ARSK: variants seen among roughly 807,000 people sequenced by gnomAD.
ARSK encodes arylsulfatase family member K.
Under a neutral mutation model 53.2 loss-of-function variants are expected in ARSK, and 37 were observed. The ratio of observed to expected loss-of-function variants is 0.70; its 90% CI spans 0.54 to 0.92. ARSK has a LOEUF of 0.92. Ranked by LOEUF, ARSK falls within the 40% of genes least tolerant of loss-of-function variation. ARSK has a pLI of 0.00. For synonymous variants in ARSK, 208 were observed against 223.2 expected, an observed-to-expected ratio of 0.93 and a Z score of 0.61; for missense variants, 613 against 643.0, an observed-to-expected ratio of 0.95 and a Z score of 0.51.
At chr5:95,587,852 G>T (rs749906025) in intron 5 of ARSK, among the ~76,000 whole-genome samples, 22 of 150,966 alleles carry the variant, frequency 1.5e-4, no homozygotes, top group Non-Finnish European at 8.8e-5. Flanking sequence ...GTTGCAGTGA[G>T]TGGAGATCGT....
At chr5:95,582,816 C>A in intron 3 of ARSK, 100 bp from the exon 4 acceptor site, 1 of 1,168,888 alleles carries the variant, frequency 8.6e-7, no homozygotes, top group Non-Finnish European at 1.2e-6. Flanking sequence ...AAGACTGAGT[C>A]TAAAAATTGT....
intron 4 of ARSK, 140 bp downstream of exon 4, chr5:95,583,338 T>C: frequency 1.4e-6 from 1 of 717,440 alleles, no homozygotes; most frequent in South Asian, 3.4e-5. Flanking sequence ...ACTAGTATGA[T>C]AAAAACTAAA....
chr5:95,596,943 C>T (rs1164635926), intron 6 of ARSK, among the ~76,000 whole-genome samples: 21 of 152,024 alleles, frequency 1.4e-4, no homozygotes, highest in African/African-American at 5.1e-4. Context: ...CTAATTCTAT[C>T]ACTAGTGTGA....
chr5:95,560,546 T>A (rs1378884836), intron 1 of ARSK, among the ~76,000 whole-genome samples: 1 of 152,060 alleles, frequency 6.6e-6, no homozygotes, highest in African/African-American at 2.4e-5. Context: ...ACTCTCATAT[T>A]TATAGTAAAT....
At chr5:95,582,535 A>G (rs1161146592) in intron 3 of ARSK, among the ~76,000 whole-genome samples, 1 of 152,164 alleles carries the variant, frequency 6.6e-6, no homozygotes, top group Non-Finnish European at 1.5e-5. Context: ...ATAAAAGGAA[A>G]TTATAGTAGC....
At chr5:95,591,374 A>G (rs1240052908) in intron 5 of ARSK, 27 bp from the exon 6 acceptor site, 1 of 1,557,650 alleles carries the variant, frequency 6.4e-7, no homozygotes, top group Admixed American at 1.7e-5. Flanking sequence ...GAAAGTTTTA[A>G]TCGGTTTATC....
intron 5 of ARSK, among the ~76,000 whole-genome samples, chr5:95,589,489 T>C (rs1749177230): frequency 6.6e-6 from 1 of 152,240 alleles, no homozygotes; most frequent in Non-Finnish European, 1.5e-5. Context: ...TCATGTGTTC[T>C]CATTGTTCAG....
intron 1 of ARSK, among the ~76,000 whole-genome samples, chr5:95,561,144 C>G (rs1344438964): frequency 6.6e-6 from 1 of 152,058 alleles, no homozygotes; most frequent in Admixed American, 6.6e-5. Context: ...ATAGAAGATA[C>G]GCAGATGACA....
chr5:95,590,534 T>C (rs1749194903), intron 5 of ARSK, among the ~76,000 whole-genome samples: 1 of 152,136 alleles, frequency 6.6e-6, no homozygotes, highest in South Asian at 2.1e-4. Context: ...CAAGACCGAT[T>C]AGTAAGTAAT....
chr5:95,573,474 A>G (rs546272288), intron 3 of ARSK, among the ~76,000 whole-genome samples: 1 of 152,216 alleles, frequency 6.6e-6, no homozygotes, highest in Non-Finnish European at 1.5e-5. Context: ...GCCAGCTACA[A>G]TGTGCCAGAC....
intron 6 of ARSK, 105 bp from the exon 7 acceptor site, chr5:95,600,742 A>G (rs1405033632): frequency 8.0e-6 from 9 of 1,125,446 alleles, no homozygotes; most frequent in Non-Finnish European, 1.2e-5. Context: ...TCCAGTCTCC[A>G]TGGCATTTAA....
chr5:95,598,351 C>T (rs888655005), intron 6 of ARSK, among the ~76,000 whole-genome samples: 5 of 151,932 alleles, frequency 3.3e-5, no homozygotes, highest in African/African-American at 1.2e-4. Flanking sequence ...TAAACTAAAG[C>T]GCTTTTAAGG....
At chr5:95,575,038 A>G (rs1189802869) in intron 3 of ARSK, among the ~76,000 whole-genome samples, 1 of 151,998 alleles carries the variant, frequency 6.6e-6, no homozygotes, top group Non-Finnish European at 1.5e-5. Context: ...AGAGATAGAG[A>G]TCTAGTTTCA....
At chr5:95,573,845 C>A (rs369292135) in intron 3 of ARSK, among the ~76,000 whole-genome samples, 1 of 152,134 alleles carries the variant, frequency 6.6e-6, no homozygotes, top group Non-Finnish European at 1.5e-5. Flanking sequence ...TCCGTCCCCT[C>A]GAAGCATTTG....
At position 95,586,787 on chromosome 5, in the gene ARSK, C is replaced by G. The variant is rs150578933; in HGVS notation, c.871+54C>G. On this transcript the variant is annotated intron_variant, in intron 5 of 7. Coordinates refer to ENST00000380009, the MANE Select transcript of ARSK (RefSeq NM_198150.3). ...ATGAAGAAAAATTATAATATTTTTC[C>G]AACAGTCTGTAATCATGCTGCTTGG... 24 of 1,440,212 alleles carry G rather than the reference C, an allele frequency of 1.7e-5. No individual in the cohort carries two copies. The African/African-American group carries it at 2.5e-4, about 15-fold the overall frequency. The allele number at this position is 1,440,212 out of a possible 1,614,324, so 89.2% of individuals were successfully genotyped here.
At chr5:95,565,745 C>G (rs1365378430) in intron 1 of ARSK, among the ~76,000 whole-genome samples, 1 of 152,186 alleles carries the variant, frequency 6.6e-6, no homozygotes, top group East Asian at 1.9e-4. Flanking sequence ...GTCAGTTCAT[C>G]ATCCCCCAAA....
chr5:95,597,217 T>C (rs1749323892), intron 6 of ARSK, among the ~76,000 whole-genome samples: 1 of 152,220 alleles, frequency 6.6e-6, no homozygotes, highest in African/African-American at 2.4e-5. Flanking sequence ...GTAATAGTCT[T>C]TCTGTAAAAC....
At chr5:95,571,913 C>A (rs1304205323) in intron 3 of ARSK, among the ~76,000 whole-genome samples, 1 of 152,158 alleles carries the variant, frequency 6.6e-6, no homozygotes, top group Non-Finnish European at 1.5e-5. Flanking sequence ...TCTCAAATAT[C>A]AAATTTCATA....
chr5:95,580,906 G>A (rs913330505), intron 3 of ARSK: 2 of 1,287,276 alleles, frequency 1.6e-6, no homozygotes, highest in African/African-American at 3.0e-5. Context: ...AGTGAACGTG[G>A]GTCAACTAAT....
Sources: gnomAD v4.1 joint callset for allele counts (sites outside exome capture counted in the v4.1 genomes callset) on GRCh38, gnomAD v4.1.1 for gene constraint, MANE v1.5 for transcripts, NCBI Gene and HGNC (gene_info 2026-07-23, HGNC 2026-07-21) for gene names.